Variants in KIAA1217 observed in about 807,000 individuals in gnomAD.
KIAA1217 encodes KIAA1217.
In KIAA1217, 88 loss-of-function variants were observed where a neutral mutation model predicts 163.9. The observed-to-expected ratio is 0.54, with a 90% confidence interval of 0.45 to 0.64. KIAA1217 has a LOEUF of 0.64. Among genes scored for constraint, KIAA1217 ranks in the 30% least tolerant of loss-of-function variants. The pLI, the probability that KIAA1217 is intolerant of heterozygous loss-of-function variation, is 0.00. For synonymous variants in KIAA1217, 903 were observed against 923.1 expected (o/e 0.98, Z 0.39); for missense variants, 2,372 against 2,475.0 (o/e 0.96, Z 0.88).
chr10:23,994,875 G>A (rs1169832729), intron 1 of KIAA1217, among the ~76,000 whole-genome samples: 1 of 152,104 alleles, frequency 6.6e-6, no homozygotes, highest in Non-Finnish European at 1.5e-5. Context: ...ATTTTGCTGG[G>A]AGCATGTCAT....
At chr10:24,388,532 T>C (rs2054351500) in intron 3 of KIAA1217, among the ~76,000 whole-genome samples, 1 of 152,012 alleles carries the variant, frequency 6.6e-6, no homozygotes, top group Admixed American at 6.6e-5. Flanking sequence ...CCAAAAGCAA[T>C]GGCAACAAAA....
chr10:24,066,701 T>C lies in KIAA1217; in HGVS notation c.-171+59327T>C, dbSNP rs537363616. Among the ~76,000 whole-genome samples, 22 of 152,322 alleles carry C rather than the reference T, an allele frequency of 1.4e-4. No individual in the cohort carries two copies. In the South Asian group the frequency reaches 2.5e-3, roughly 17 times the overall value. On this transcript the variant is annotated intron_variant, in intron 2 of 18. Transcript: ENST00000376462. ...TTGAATGTTGGTCTGCCTTGCTAGA[T>C]TGGGGAAGTTCTCCTGGATAATATC... is the stretch of plus-strand genomic sequence containing the variant.
chr10:24,126,530 T>C (rs931495324), intron 2 of KIAA1217, among the ~76,000 whole-genome samples: 4 of 152,184 alleles, frequency 2.6e-5, no homozygotes, highest in Non-Finnish European at 5.9e-5. Flanking sequence ...TGTTTCTGCA[T>C]GAAATTTGTA....
At chr10:24,186,855 A>G (rs2066457223) in intron 2 of KIAA1217, among the ~76,000 whole-genome samples, 1 of 152,056 alleles carries the variant, frequency 6.6e-6, no homozygotes, top group African/African-American at 2.4e-5. Flanking sequence ...GTGGCACTGC[A>G]CTCCAGCCTG....
intron 2 of KIAA1217, among the ~76,000 whole-genome samples, chr10:24,022,231 T>C (rs1847765224): frequency 6.6e-6 from 1 of 151,404 alleles, no homozygotes. Context: ...ATGCAAAATA[T>C]ACAACGAACA....
intron 2 of KIAA1217, among the ~76,000 whole-genome samples, chr10:24,229,474 G>A (rs1048042325): frequency 6.6e-6 from 1 of 152,154 alleles, no homozygotes; most frequent in Non-Finnish European, 1.5e-5. Context: ...ACTAATGACT[G>A]AATATGAGTT....
intron 2 of KIAA1217, among the ~76,000 whole-genome samples, chr10:24,271,479 G>C (rs1006096447): frequency 6.6e-6 from 1 of 152,004 alleles, no homozygotes; most frequent in African/African-American, 2.4e-5. Flanking sequence ...AGGATGGTGC[G>C]GTGGCTCACA....
intron 2 of KIAA1217, among the ~76,000 whole-genome samples, chr10:24,026,716 A>G (rs1000398239): frequency 1.0e-4 from 8 of 80,118 alleles, no homozygotes; most frequent in Admixed American, 6.5e-4. Context: ...TTTTTTTTCC[A>G]TTGCTTTCTA....
chr10:23,979,981 A>G (rs1845697813), intron 1 of KIAA1217, among the ~76,000 whole-genome samples: 1 of 151,944 alleles, frequency 6.6e-6, no homozygotes, highest in African/African-American at 2.4e-5. Context: ...AAAAGTATTT[A>G]TCACTGATTG....
intron 5 of KIAA1217, chr10:24,449,565 A>G (rs779014107): frequency 4.0e-5 from 39 of 985,316 alleles, no homozygotes; most frequent in Non-Finnish European, 4.5e-5. Context: ...TGTCCGTGAA[A>G]TAGTTTTAAC....
chr10:24,385,104 C>T (rs1215509735), intron 3 of KIAA1217, among the ~76,000 whole-genome samples: 1 of 152,172 alleles, frequency 6.6e-6, no homozygotes, highest in Non-Finnish European at 1.5e-5. Flanking sequence ...GCTCAGGCAG[C>T]ACAGAAAGGG....
intron 1 of KIAA1217, among the ~76,000 whole-genome samples, chr10:23,726,190 T>G (rs964557625): frequency 1.3e-5 from 2 of 152,178 alleles, no homozygotes; most frequent in African/African-American, 2.4e-5. Flanking sequence ...TTTTTACAGT[T>G]TTCTTAGTGG....
chr10:23,783,618 T>C (rs910158835), intron 1 of KIAA1217, among the ~76,000 whole-genome samples: 1 of 152,168 alleles, frequency 6.6e-6, no homozygotes, highest in African/African-American at 2.4e-5. Flanking sequence ...TTTTTTGAAG[T>C]GATTTAGATG....
Position 24,168,662 on chromosome 10 carries a change from C to T in KIAA1217, c.-170-50964C>T, listed in dbSNP as rs113256255. 8.8e-3 allele frequency among the ~76,000 whole-genome samples: 1,343 copies of T among 152,252 alleles called. 18 individuals are homozygous for T. The highest frequency in any genetic ancestry group is 0.031 in the African/African-American group (1,273 of 41,544). Reference sequence around the variant, plus strand: ...GACTGGCCAATATATCAAAGGATTTCCTGACACTCCCCAGAAGCAGAAGAC... The same window carrying T: ...GACTGGCCAATATATCAAAGGATTTTCTGACACTCCCCAGAAGCAGAAGAC... On this transcript the variant is annotated intron_variant, in intron 2 of 18. Transcript: ENST00000376462.
At chr10:24,200,610 T>C (rs984308834) in intron 2 of KIAA1217, among the ~76,000 whole-genome samples, 2 of 152,196 alleles carry the variant, frequency 1.3e-5, no homozygotes, top group Admixed American at 6.5e-5. Flanking sequence ...CCCAAAGTCA[T>C]AGGTGAACTG....
chr10:23,952,802 T>C lies in KIAA1217; in HGVS notation c.-320-54423T>C, dbSNP rs1589135174. On this transcript the variant is annotated intron_variant, in intron 1 of 18. Coordinates refer to the KIAA1217 transcript ENST00000376462. Reference sequence around the variant, plus strand: ...TGTAAGCTGTTAATATTGCTATTACTACCCATGGATTGAGATACAAGTGGA... The same window carrying C: ...TGTAAGCTGTTAATATTGCTATTACCACCCATGGATTGAGATACAAGTGGA... 5.9e-5 allele frequency among the ~76,000 whole-genome samples: 9 copies of C among 152,356 alleles called. No individual in the cohort carries two copies. The South Asian group carries it at 1.9e-3, about 32-fold the overall frequency.
intron 5 of KIAA1217, among the ~76,000 whole-genome samples, chr10:24,461,070 A>G (rs1482369845): frequency 1.3e-5 from 2 of 152,184 alleles, no homozygotes; most frequent in Non-Finnish European, 2.9e-5. Context: ...GACATCTGCC[A>G]TTCCCCAATG....
At chr10:23,862,383 G>C (rs1839995697) in intron 1 of KIAA1217, among the ~76,000 whole-genome samples, 1 of 152,132 alleles carries the variant, frequency 6.6e-6, no homozygotes, top group African/African-American at 2.4e-5. Flanking sequence ...GGCAGAGAGA[G>C]AGGGATCAAT....
intron 2 of KIAA1217, among the ~76,000 whole-genome samples, chr10:24,094,552 C>T (rs367652430): frequency 7.2e-5 from 11 of 152,332 alleles, no homozygotes; most frequent in Admixed American, 5.2e-4. Context: ...AGCGGATTTT[C>T]GTGAACCGCA....
Sources: allele counts gnomAD v4.1 joint callset (sites outside exome capture counted in the v4.1 genomes callset), GRCh38; gene constraint gnomAD v4.1.1; transcripts MANE v1.5; gene names NCBI Gene and HGNC (gene_info 2026-07-23, HGNC 2026-07-21).